The following MBOAT2 variants were observed in gnomAD, a reference collection of about 807,000 sequenced individuals.
The protein encoded by MBOAT2 is membrane bound glycerophospholipid O-acyltransferase 2.
In MBOAT2, 28 loss-of-function variants were observed where a neutral mutation model predicts 63.4. The ratio of observed to expected loss-of-function variants is 0.44; its 90% CI spans 0.33 to 0.61. The LOEUF is 0.61. Among genes scored for constraint, MBOAT2 ranks in the 20% least tolerant of loss-of-function variants. The probability of loss-of-function intolerance (pLI) is 0.03; values close to 1 mark genes in which losing one functional copy is unlikely to be tolerated. For missense variants in MBOAT2, 470 were observed against 605.8 expected (o/e 0.78, Z 2.35); for synonymous variants, 211 against 215.6 (o/e 0.98, Z 0.19).
At chr2:8,916,258 CT>C (rs917452556) in intron 3 of MBOAT2, among the ~76,000 whole-genome samples, 2 of 152,212 alleles carry the variant, frequency 1.3e-5, no homozygotes, top group African/African-American at 4.8e-5. Flanking sequence ...GTAACTTTCT[CT>C]GCTGTTTACA....
chr2:8,877,875 C>T (rs1364461543), intron 6 of MBOAT2, among the ~76,000 whole-genome samples: 1 of 152,058 alleles, frequency 6.6e-6, no homozygotes, highest in Non-Finnish European at 1.5e-5. Flanking sequence ...AGCCGTGGGG[C>T]TGGAGCAGAG....
At chr2:8,901,226 C>T (rs1664899605) in intron 4 of MBOAT2, among the ~76,000 whole-genome samples, 1 of 152,150 alleles carries the variant, frequency 6.6e-6, no homozygotes, top group South Asian at 2.1e-4. Flanking sequence ...TGCCCAAGAA[C>T]CTGCAACAGT....
At chr2:8,918,902 T>C (rs1666377662) in intron 3 of MBOAT2, among the ~76,000 whole-genome samples, 2 of 152,198 alleles carry the variant, frequency 1.3e-5, no homozygotes, top group Non-Finnish European at 2.9e-5. Context: ...TTGTGGTTAC[T>C]TGCAGTAATC....
At chr2:8,870,425 T>C (rs1184991508) in intron 8 of MBOAT2, among the ~76,000 whole-genome samples, 3 of 152,190 alleles carry the variant, frequency 2.0e-5, no homozygotes, top group Non-Finnish European at 2.9e-5. Context: ...CCAGAATACA[T>C]TCATACTATT....
At chr2:8,915,325 C>T (rs920415380) in intron 3 of MBOAT2, among the ~76,000 whole-genome samples, 1 of 152,134 alleles carries the variant, frequency 6.6e-6, no homozygotes, top group African/African-American at 2.4e-5. Flanking sequence ...AAAACGGACC[C>T]AGCTGGTGGG....
chr2:8,971,950 A>G (rs1173700136), intron 1 of MBOAT2, among the ~76,000 whole-genome samples: 2 of 152,228 alleles, frequency 1.3e-5, no homozygotes, highest in East Asian at 1.9e-4. Context: ...GCCCAAGGTA[A>G]TTTATAGATT....
intron 3 of MBOAT2, among the ~76,000 whole-genome samples, chr2:8,920,974 A>C (rs906527042): frequency 6.6e-6 from 1 of 151,806 alleles, no homozygotes; most frequent in African/African-American, 2.4e-5. Flanking sequence ...CCACTCTTTT[A>C]CCTTCAGCCT....
chr2:8,991,936 C>T (rs1671941838), intron 1 of MBOAT2, among the ~76,000 whole-genome samples: 1 of 152,174 alleles, frequency 6.6e-6, no homozygotes, highest in Non-Finnish European at 1.5e-5. Context: ...GCTGTCCACA[C>T]CTCAGAAAAC....
intron 7 of MBOAT2, among the ~76,000 whole-genome samples, chr2:8,873,829 A>G (rs1162638060): frequency 2.0e-5 from 3 of 152,222 alleles, no homozygotes; most frequent in Non-Finnish European, 1.5e-5. Flanking sequence ...CCTGAGAAGA[A>G]TAAGAATTTG....
intron 1 of MBOAT2, among the ~76,000 whole-genome samples, chr2:8,971,807 C>T (rs1670475994): frequency 6.6e-6 from 1 of 152,118 alleles, no homozygotes; most frequent in Non-Finnish European, 1.5e-5. Context: ...ATCCAACTTA[C>T]AAGGGATGTG....
intron 3 of MBOAT2, among the ~76,000 whole-genome samples, chr2:8,939,193 CT>C: frequency 6.6e-6 from 1 of 152,338 alleles, no homozygotes; most frequent in Admixed American, 6.5e-5. Flanking sequence ...TAAATGGAGA[CT>C]GATATTGGTG....
intron 7 of MBOAT2, among the ~76,000 whole-genome samples, chr2:8,874,194 A>C: frequency 6.6e-6 from 1 of 152,226 alleles, no homozygotes; most frequent in East Asian, 1.9e-4. Flanking sequence ...GACAAGAGCC[A>C]AAGCATATGC....
At chr2:8,992,275 AGCC>A (rs1341377266) in intron 1 of MBOAT2, among the ~76,000 whole-genome samples, 2 of 152,216 alleles carry the variant, frequency 1.3e-5, no homozygotes, top group African/African-American at 4.8e-5. Context: ...GTTCTGTAAC[AGCC>A]AGCACCTCTC....
chr2:8,924,265 C>T (rs116400695), intron 3 of MBOAT2, among the ~76,000 whole-genome samples: 3,545 of 152,250 alleles, frequency 0.023, 61 homozygotes, highest in Non-Finnish European at 0.031. Context: ...CCTCTAGGAT[C>T]CCATTTCACT....
chr2:8,901,995 C>A (rs1028330059), intron 4 of MBOAT2, among the ~76,000 whole-genome samples: 1 of 152,120 alleles, frequency 6.6e-6, no homozygotes, highest in African/African-American at 2.4e-5. Context: ...TTGAGAGTTC[C>A]GCTCATGGCC....
chr2:8,925,581 C>CAGGG (rs1282824265), intron 3 of MBOAT2, among the ~76,000 whole-genome samples: 1 of 152,194 alleles, frequency 6.6e-6, no homozygotes, highest in African/African-American at 2.4e-5. Context: ...TGACTGCAGA[C>CAGGG]AGGAGAAAAC....
intron 3 of MBOAT2, among the ~76,000 whole-genome samples, chr2:8,940,349 T>C (rs763949642): frequency 1.4e-4 from 22 of 152,132 alleles, no homozygotes; most frequent in Non-Finnish European, 2.8e-4. Flanking sequence ...TGGAGTGCAG[T>C]GGTGCGATCT....
intron 1 of MBOAT2, among the ~76,000 whole-genome samples, chr2:8,993,700 T>C (rs1045941981): frequency 6.6e-6 from 1 of 152,182 alleles, no homozygotes; most frequent in African/African-American, 2.4e-5. Flanking sequence ...TACCAGGAAG[T>C]GCTCCAAGGA....
rs892832207 is a variant in MBOAT2, at chr2:8,967,849, T to TA, written c.76-9208dup. On this transcript the variant is annotated intron_variant, in intron 1 of 12. Coordinates refer to ENST00000305997, the MANE Select transcript of MBOAT2 (RefSeq NM_138799.4). ...TAGATACAACTTCATCACATAAATA[T>TA]AAAAAATTCCTTCATGGGCAAAACA... 7.8e-4 allele frequency among the ~76,000 whole-genome samples: 119 copies of TA among 151,932 alleles called. 3 individuals are homozygous for TA. Among genetic ancestry groups the TA allele is most frequent in the Non-Finnish European group, 1.8e-4 (12 of 67,938 alleles).
Sources: allele counts gnomAD v4.1 joint callset (sites outside exome capture counted in the v4.1 genomes callset), GRCh38; gene constraint gnomAD v4.1.1; transcripts MANE v1.5; gene names NCBI Gene and HGNC (gene_info 2026-07-23, HGNC 2026-07-21).